Variants in RUFY3 observed in about 807,000 individuals in gnomAD.
The protein encoded by RUFY3 is RUN and FYVE domain containing 3, also known as protein RUFY3.
A neutral mutation model predicts 84.0 loss-of-function variants in RUFY3; 34 were observed. The ratio of observed to expected loss-of-function variants is 0.40; its 90% CI spans 0.31 to 0.54. The LOEUF (loss-of-function observed/expected upper bound fraction) is 0.54, where lower values mean the gene tolerates loss of function less well. RUFY3 is among the 20% of genes least tolerant of loss of function. The pLI is 0.39. For synonymous variants in RUFY3, 242 were observed against 252.9 expected (o/e 0.96, Z 0.41); for missense variants, 507 against 736.8 (o/e 0.69, Z 3.61).
At chr4:70,804,684 G>A (rs962424828) in intron 17 of RUFY3, among the ~76,000 whole-genome samples, 2 of 151,128 alleles carry the variant, frequency 1.3e-5, no homozygotes, top group South Asian at 2.1e-4. Flanking sequence ...TTGGGAGGCC[G>A]AGGCGGGCCG....
chr4:70,775,944 C>CAAAAAA (rs11369578), intron 7 of RUFY3, among the ~76,000 whole-genome samples: 1 of 132,292 alleles, frequency 7.6e-6, no homozygotes, highest in African/African-American at 3.2e-5. Flanking sequence ...CTGTCTTAAA[C>CAAAAAA]AAAAAAAAAA....
Position 70,722,453 on chromosome 4 carries a change from AAGCTTTGTTTCAG to A in RUFY3, c.-112_-100del. ...TAAACCTCCCCCACCCTTTTCCTGAAAGCTTTGTTTCAGAGCTTTGTATTGGGTTTTTTTGGTG... is the reference window on the plus strand; with the variant it reads ...TAAACCTCCCCCACCCTTTTCCTGAAAGCTTTGTATTGGGTTTTTTTGGTG... On this transcript the variant is annotated 5_prime_UTR_variant, in exon 1 of 18. Coordinates refer to ENST00000381006, the MANE Select transcript of RUFY3 (RefSeq NM_001037442.4). The A allele has an allele frequency of 7.2e-7, 1 of 1,390,166 alleles. No homozygotes were observed. Among genetic ancestry groups the A allele is most frequent in the Middle Eastern group, 2.8e-4 (1 of 3,620 alleles). The allele number at this position is 1,390,166 out of a possible 1,614,324, so 86.1% of individuals were successfully genotyped here. A position where few individuals can be genotyped will look rare whatever the true frequency, so the allele number is the denominator to read the frequency against.
chr4:70,737,115 C>G (rs1458520054), intron 1 of RUFY3, among the ~76,000 whole-genome samples: 1 of 152,094 alleles, frequency 6.6e-6, no homozygotes, highest in Non-Finnish European at 1.5e-5. Flanking sequence ...TTTGTCTTTC[C>G]TGCTTGCAGT....
At chr4:70,725,629 C>T (rs188348937) in intron 1 of RUFY3, among the ~76,000 whole-genome samples, 2 of 152,268 alleles carry the variant, frequency 1.3e-5, no homozygotes, top group African/African-American at 4.8e-5. Flanking sequence ...CCATGCCCGG[C>T]TTATATACTC....
chr4:70,797,384 G>A (rs576565806), intron 14 of RUFY3, among the ~76,000 whole-genome samples: 28 of 152,236 alleles, frequency 1.8e-4, no homozygotes, highest in Non-Finnish European at 3.1e-4. Context: ...CGTAATACGC[G>A]TTTTCCATGA....
intron 8 of RUFY3, 103 bp downstream of exon 8, chr4:70,778,541 A>G: frequency 1.5e-6 from 1 of 646,754 alleles, no homozygotes; most frequent in Non-Finnish European, 2.8e-6. Flanking sequence ...GACTTTTCAA[A>G]TAATATTGAC....
chr4:70,718,957 C>T (rs562867031), upstream of RUFY3, among the ~76,000 whole-genome samples: 4 of 152,248 alleles, frequency 2.6e-5, no homozygotes, highest in East Asian at 1.9e-4. Flanking sequence ...TCAGGTGACC[C>T]GCCTGCCTCA....
intron 14 of RUFY3, among the ~76,000 whole-genome samples, chr4:70,797,340 G>A (rs958978017): frequency 5.9e-5 from 9 of 152,148 alleles, no homozygotes; most frequent in Non-Finnish European, 8.8e-5. Context: ...TTATTTTGGT[G>A]CGAAATATTT....
At chr4:70,795,503 C>A (rs1451908218) in intron 14 of RUFY3, among the ~76,000 whole-genome samples, 1 of 152,178 alleles carries the variant, frequency 6.6e-6, no homozygotes, top group Non-Finnish European at 1.5e-5. Context: ...GTAAGATCAT[C>A]TCTGGGGCCC....
intron 1 of RUFY3, among the ~76,000 whole-genome samples, chr4:70,724,174 A>G (rs1717841203): frequency 6.6e-6 from 1 of 152,160 alleles, no homozygotes; most frequent in Non-Finnish European, 1.5e-5. Context: ...ACATCGTTAC[A>G]TCCAACAATT....
At chr4:70,715,929 T>C (rs896638624) in intron 1 of RUFY3, among the ~76,000 whole-genome samples, 2 of 152,028 alleles carry the variant, frequency 1.3e-5, no homozygotes, top group African/African-American at 4.8e-5. Flanking sequence ...CTGGCTAACC[T>C]GGTGAAACCC....
At chr4:70,793,954 G>T in intron 13 of RUFY3, 50 bp downstream of exon 13, 1 of 1,588,042 alleles carries the variant, frequency 6.3e-7, no homozygotes, top group South Asian at 1.1e-5. Flanking sequence ...GTAATTCTTA[G>T]GGTAGACAGC....
rs1430011695 is a variant in RUFY3 at position 70,776,252 on chromosome 4, TAATAA to T, written c.824+1027_824+1031del. ...AGGCAAGGTAGGAGATTAGCAACAATAATAAAATAAAACAACTTTAACAATAGACT... is the reference window on the plus strand; with the variant it reads ...AGGCAAGGTAGGAGATTAGCAACAATAATAAAACAACTTTAACAATAGACT... On this transcript the variant is annotated intron_variant, in intron 7 of 17. Transcript: ENST00000381006. Among the ~76,000 whole-genome samples, 14 of 152,276 alleles carry T rather than the reference TAATAA, an allele frequency of 9.2e-5. No homozygotes were observed. The East Asian group carries it at 2.5e-3, about 27-fold the overall frequency.
chr4:70,757,881 C>T (rs1185632358), intron 1 of RUFY3, among the ~76,000 whole-genome samples: 1 of 152,120 alleles, frequency 6.6e-6, no homozygotes, highest in African/African-American at 2.4e-5. Flanking sequence ...TGAAAGTTCT[C>T]TATTGGAATG....
chr4:70,727,598 C>T (rs1386729438), intron 1 of RUFY3, among the ~76,000 whole-genome samples: 1 of 151,578 alleles, frequency 6.6e-6, no homozygotes, highest in East Asian at 2.0e-4. Flanking sequence ...TCAGGCGATC[C>T]ACCCACCTTG....
rs757161318 is a variant in RUFY3 at position 70,793,857 on chromosome 4, C to G, written c.1410C>G (p.Asp470Glu). The part of the protein sequence containing the change: ...DNRLFKQDFG[D>E]KINSLQLEVE... Reference sequence around the variant, plus strand: ...GGCTCTTCAAACAGGACTTTGGAGACAAGATCAACAGTCTGCAGCTGGAAG... The same window carrying G: ...GGCTCTTCAAACAGGACTTTGGAGAGAAGATCAACAGTCTGCAGCTGGAAG... The change falls in exon 13 of 18, where the codon GAC (aspartate) becomes GAG (glutamate). Residue 470 changes from aspartate (D) to glutamate (E), a missense_variant. Physicochemically the swap from Asp to Glu is conservative, Grantham distance 45. Coordinates refer to ENST00000381006, the MANE Select transcript of RUFY3 (RefSeq NM_001037442.4). The G allele has an allele frequency of 2.5e-6, 4 of 1,613,940 alleles. No homozygotes were observed. The African/African-American group carries it at 5.3e-5, about 22-fold the overall frequency.
At chr4:70,758,295 G>T (rs1724379257) in intron 1 of RUFY3, among the ~76,000 whole-genome samples, 1 of 152,146 alleles carries the variant, frequency 6.6e-6, no homozygotes, top group Non-Finnish European at 1.5e-5. Flanking sequence ...AATATTCTGT[G>T]ACAAATCAGG....
chr4:70,730,445 A>G (rs1488371558), intron 1 of RUFY3, among the ~76,000 whole-genome samples: 1 of 152,008 alleles, frequency 6.6e-6, no homozygotes, highest in Admixed American at 6.6e-5. Flanking sequence ...ATTTACAAAT[A>G]AACTGACATT....
exon 1 of RUFY3, chr4:70,704,827 C>CGGCGGCGGCGCAGCGGACGGGACGG: frequency 1.5e-6 from 1 of 683,478 alleles, no homozygotes; most frequent in Non-Finnish European, 2.0e-6. Flanking sequence ...GTGGCGGTGG[C>CGGCGGCGGCGCAGCGGACGGGACGG]GGCGGCGGCG....
Sources: allele counts gnomAD v4.1 joint callset (sites outside exome capture counted in the v4.1 genomes callset), GRCh38; gene constraint gnomAD v4.1.1; transcripts MANE v1.5; gene names NCBI Gene and HGNC (gene_info 2026-07-23, HGNC 2026-07-21).